Variants in YTHDF3 observed in about 807,000 individuals in gnomAD.
The protein encoded by YTHDF3 is YTH N6-methyladenosine RNA binding protein F3, also known as YTH domain-containing family protein 3.
In YTHDF3, 9 loss-of-function variants were observed where a neutral mutation model predicts 52.5. That is an observed-to-expected ratio of 0.17 (90% CI 0.10 to 0.30). YTHDF3 has a LOEUF of 0.30. Among genes scored for constraint, YTHDF3 ranks in the 10% least tolerant of loss-of-function variants. The pLI is 1.00. For synonymous variants in YTHDF3, 274 were observed against 243.3 expected, an observed-to-expected ratio of 1.13 and a Z score of -1.18; for missense variants, 534 against 715.0, an observed-to-expected ratio of 0.75 and a Z score of 2.89.
chr8:63,194,722 G>C (rs1251809798), intron 4 of YTHDF3, among the ~76,000 whole-genome samples: 1 of 152,116 alleles, frequency 6.6e-6, no homozygotes, highest in Non-Finnish European at 1.5e-5. Context: ...ATGATCCATG[G>C]AATTGCTTAT....
At position 63,186,738 on chromosome 8, in the gene YTHDF3, A is replaced by C. The variant is rs370117149; in HGVS notation, c.727A>C (p.Arg243=). The C allele has an allele frequency of 3.7e-6, 6 of 1,614,032 alleles. No individual in the cohort carries two copies. In the South Asian group the frequency reaches 5.5e-5, roughly 15 times the overall value. ...ACCAACCTCCTGGGCTGCCATTGCCAGAAAGCCTGCCAAACCTCAACCGAA... is the reference window on the plus strand; with the variant it reads ...ACCAACCTCCTGGGCTGCCATTGCCCGAAAGCCTGCCAAACCTCAACCGAA... ...PKPTSWAAIA[R]KPAKPQPKLK... The change falls in exon 4 of 5, where the codon AGA becomes CGA. Residue 243 remains arginine, a synonymous_variant. Coordinates refer to ENST00000539294, the MANE Select transcript of YTHDF3 (RefSeq NM_152758.6).
intron 2 of YTHDF3, among the ~76,000 whole-genome samples, chr8:63,169,889 A>G (rs957456553): frequency 1.3e-5 from 2 of 152,202 alleles, no homozygotes; most frequent in African/African-American, 4.8e-5. Flanking sequence ...AGGCAACAAC[A>G]TGAGAGAGGT....
At chr8:63,189,115 T>G (rs573716378) in intron 4 of YTHDF3, 1 of 152,340 alleles carries the variant, frequency 6.6e-6, no homozygotes, top group African/African-American at 2.4e-5. Context: ...CCTAATTCTG[T>G]TATATACCCT....
intron 3 of YTHDF3, among the ~76,000 whole-genome samples, chr8:63,183,803 C>A (rs1808319948): frequency 6.6e-6 from 1 of 152,146 alleles, no homozygotes; most frequent in African/African-American, 2.4e-5. Context: ...AGTTGTGGAT[C>A]AAAAATACAG....
chr8:63,204,779 C>T (rs1809899831), intron 4 of YTHDF3, among the ~76,000 whole-genome samples: 2 of 152,112 alleles, frequency 1.3e-5, no homozygotes, highest in Non-Finnish European at 2.9e-5. Context: ...TCTTCTTTTC[C>T]TTTTGAATGC....
Position 63,186,746 on chromosome 8 carries a change from T to C in YTHDF3, c.735T>C (p.Pro245=). 1 of 1,613,956 alleles carries C rather than the reference T, an allele frequency of 6.2e-7. No individual in the cohort carries two copies. The highest frequency in any genetic ancestry group is 1.1e-5 in the South Asian group (1 of 91,080). The stretch of plus-strand genomic sequence containing the variant: ...CCTGGGCTGCCATTGCCAGAAAGCC[T>C]GCCAAACCTCAACCGAAACTTAAAC... ...PTSWAAIARK[P]AKPQPKLKPK... The change falls in exon 4 of 5, where the codon CCT becomes CCC. Residue 245 remains proline (P), a synonymous_variant. Coordinates refer to ENST00000539294, the MANE Select transcript of YTHDF3 (RefSeq NM_152758.6).
At chr8:63,178,592 A>G (rs1355286891) in intron 3 of YTHDF3, among the ~76,000 whole-genome samples, 1 of 152,218 alleles carries the variant, frequency 6.6e-6, no homozygotes, top group Admixed American at 6.5e-5. Flanking sequence ...GTTTGATTCC[A>G]GTAAGGCCTG....
rs997767681 is a variant in YTHDF3 at position 63,212,705 on chromosome 8, G to A, written c.*2999G>A. On this transcript the variant is annotated 3_prime_UTR_variant, in exon 5 of 5. Coordinates refer to ENST00000539294, the MANE Select transcript of YTHDF3 (RefSeq NM_152758.6). ...TTCCTGTGAATGATGGTACAGTTAG[G>A]TGAGATTTTCTGTTATGGTACCCAA... The A allele has an allele frequency of 6.6e-6, 1 of 152,576 alleles. No individual in the cohort carries two copies. The highest frequency in any genetic ancestry group is 2.4e-5 in the African/African-American group (1 of 41,432). 9.5% of individuals were successfully genotyped at this position (152,576 alleles called of 1,614,324 possible).
rs114240180 is a variant in YTHDF3 at position 63,204,073 on chromosome 8, G to A, written c.1735-5610G>A. On this transcript the variant is annotated intron_variant, in intron 4 of 4. Coordinates refer to ENST00000539294, the MANE Select transcript of YTHDF3 (RefSeq NM_152758.6). ...TTGAGGAAATCAAGCCCCACCTACCGCAAAGAGGAATATCAAAGACTTTGT... is the reference window on the plus strand; with the variant it reads ...TTGAGGAAATCAAGCCCCACCTACCACAAAGAGGAATATCAAAGACTTTGT... Among the ~76,000 whole-genome samples the A allele has an allele frequency of 4.7e-3, 717 of 152,164 alleles. 4 individuals carry two copies. The highest frequency in any genetic ancestry group is 0.016 in the African/African-American group (674 of 41,522).
rs199693114 is a variant in YTHDF3, at chr8:63,170,951, ATGAGT to A, written c.49+1547_49+1551del. Among the ~76,000 whole-genome samples the A allele has an allele frequency of 9.3e-3, 1,419 of 152,300 alleles. 11 individuals carry two copies. Among genetic ancestry groups the A allele is most frequent in the Admixed American group, 0.013 (200 of 15,306 alleles). On this transcript the variant is annotated intron_variant, in intron 2 of 4. Coordinates refer to ENST00000539294, the MANE Select transcript of YTHDF3 (RefSeq NM_152758.6). The stretch of plus-strand genomic sequence containing the variant: ...ACTGGTGGCATCTTTGATATTAGAT[ATGAGT>A]TGAGTTATCTATAAACTGCATAATA...
At chr8:63,192,780 G>A (rs943236857) in intron 4 of YTHDF3, among the ~76,000 whole-genome samples, 1 of 148,812 alleles carries the variant, frequency 6.7e-6, no homozygotes, top group African/African-American at 2.5e-5. Flanking sequence ...GAACAAATTA[G>A]TGGTATTTTA....
At position 63,209,785 on chromosome 8, in the gene YTHDF3, A is replaced by G. The variant is rs1391319693; in HGVS notation, c.*79A>G. The stretch of plus-strand genomic sequence containing the variant: ...ATGCCTAATAAGTCAAAGAAGACGT[A>G]TTAAAGCTCTTTTCTGCTTAAGGTG... On this transcript the variant is annotated 3_prime_UTR_variant, in exon 5 of 5. Coordinates refer to ENST00000539294, the MANE Select transcript of YTHDF3 (RefSeq NM_152758.6). 7.2e-7 allele frequency: 1 copy of G among 1,394,272 alleles called. No homozygotes were observed. The highest frequency in any genetic ancestry group is 1.5e-5 in the African/African-American group (1 of 68,468). 86.4% of individuals were successfully genotyped at this position (1,394,272 alleles called of 1,614,324 possible).
In YTHDF3 at chr8:63,187,526, G is replaced by T; in HGVS notation, c.1515G>T (p.Trp505Cys). Reference sequence around the variant, plus strand: ...GGAAGGGCAAATTTGAAGTTAAATGGATCTTTGTCAAAGATGTTCCCAATA... The same window carrying T: ...GGAAGGGCAAATTTGAAGTTAAATGTATCTTTGTCAAAGATGTTCCCAATA... Reference protein sequence around the residue: ...DKWKGKFEVKWIFVKDVPNNQ... With the variant: ...DKWKGKFEVKCIFVKDVPNNQ... The change falls in exon 4 of 5, where the codon TGG becomes TGT. Residue 505 changes from tryptophan (W) to cysteine (C), a missense_variant. This residue lies in a region of YTHDF3 where 135 missense variants were observed against 214.2 expected (regional missense o/e 0.63). Coordinates refer to ENST00000539294, the MANE Select transcript of YTHDF3 (RefSeq NM_152758.6). The T allele has an allele frequency of 6.2e-7, 1 of 1,613,962 alleles. No homozygotes were observed.
At chr8:63,170,256 G>C (rs1462980207) in intron 2 of YTHDF3, among the ~76,000 whole-genome samples, 2 of 152,120 alleles carry the variant, frequency 1.3e-5, no homozygotes, top group African/African-American at 4.8e-5. Context: ...TATGCTTTCT[G>C]TTGATTTCAG....
chr8:63,211,519 G>A lies in YTHDF3; in HGVS notation c.*1813G>A, dbSNP rs901898891. 1.3e-5 allele frequency: 2 copies of A among 152,484 alleles called. No individual in the cohort carries two copies. Among genetic ancestry groups the A allele is most frequent in the East Asian group, 1.9e-4 (1 of 5,198 alleles). The allele number at this position is 152,484 out of a possible 1,614,324, so 9.4% of individuals were successfully genotyped here. A position where few individuals can be genotyped will look rare whatever the true frequency, so the allele number is the denominator to read the frequency against. ...TAGGTAGGACATGTCAAAGATGACT[G>A]TTGTCATTCTGGAGGTCCTATTAGA... is the stretch of plus-strand genomic sequence containing the variant. On this transcript the variant is annotated 3_prime_UTR_variant, in exon 5 of 5. Coordinates refer to ENST00000539294, the MANE Select transcript of YTHDF3 (RefSeq NM_152758.6).
At position 63,187,368 on chromosome 8, in the gene YTHDF3, C is replaced by A. The variant is rs892773232; in HGVS notation, c.1357C>A (p.Arg453Ser). ...TAATAAGCGTTTGGATGCAGCTTACCGTTCCCTGAATGGGAAAGGCCCACT... is the reference window on the plus strand; with the variant it reads ...TAATAAGCGTTTGGATGCAGCTTACAGTTCCCTGAATGGGAAAGGCCCACT... ...HGNKRLDAAY[R>S]SLNGKGPLYL... is the part of the protein sequence containing the mutation. Residue 453 changes from arginine to serine, a missense_variant, in exon 4 of 5, where the codon CGT becomes AGT. Coordinates refer to ENST00000539294, the MANE Select transcript of YTHDF3 (RefSeq NM_152758.6). The A allele has an allele frequency of 1.2e-6, 2 of 1,614,004 alleles. No homozygotes were observed. Among genetic ancestry groups the A allele is most frequent in the South Asian group, 1.1e-5 (1 of 91,074 alleles).
At chr8:63,199,847 A>G (rs192583833) in intron 4 of YTHDF3, among the ~76,000 whole-genome samples, 105 of 152,244 alleles carry the variant, frequency 6.9e-4, no homozygotes, top group African/African-American at 2.4e-3. Context: ...GAAGTTAGGG[A>G]AAGATATCAC....
chr8:63,198,084 C>A (rs1033439312), intron 4 of YTHDF3, among the ~76,000 whole-genome samples: 4 of 152,106 alleles, frequency 2.6e-5, no homozygotes, highest in Non-Finnish European at 4.4e-5. Context: ...TTACCTGTTC[C>A]TCCAGAAAGA....
chr8:63,186,290 G>A lies in YTHDF3; in HGVS notation c.279G>A (p.Met93Ile). The A allele has an allele frequency of 1.2e-6, 2 of 1,614,042 alleles. No homozygotes were observed. Among genetic ancestry groups the A allele is most frequent in the Admixed American group, 1.7e-5 (1 of 60,028 alleles). ...PMPYLTTYGQMSNGEHHYIPD... is the reference protein window; with the variant it reads ...PMPYLTTYGQISNGEHHYIPD... ...CATATCTGACAACCTATGGACAAAT[G>A]AGTAATGGAGAACATCACTATATAC... The change falls in exon 4 of 5, where the codon ATG becomes ATA. Residue 93 changes from methionine (M) to isoleucine (I), a missense_variant. Transcript: ENST00000539294.
Sources: allele counts gnomAD v4.1 joint callset (sites outside exome capture counted in the v4.1 genomes callset), GRCh38; gene constraint gnomAD v4.1.1; regional missense constraint gnomAD v4.1.1; transcripts MANE v1.5; gene names NCBI Gene and HGNC (gene_info 2026-07-23, HGNC 2026-07-21).